CCDC85A: variants seen among roughly 807,000 people sequenced by gnomAD.
CCDC85A encodes the protein coiled-coil domain-containing protein 85A.
A neutral mutation model predicts 50.2 loss-of-function variants in CCDC85A; 38 were observed. The ratio of observed to expected loss-of-function variants is 0.76; its 90% CI spans 0.58 to 0.99. CCDC85A has a LOEUF of 0.99. Ranked by LOEUF, CCDC85A falls within the 50% of genes least tolerant of loss-of-function variation. The pLI, the probability that CCDC85A is intolerant of heterozygous loss-of-function variation, is 0.00. For synonymous variants in CCDC85A, 366 were observed against 301.4 expected (o/e 1.21, Z -2.22); for missense variants, 820 against 742.0 (o/e 1.11, Z -1.22).
chr2:56,371,395 A>G (rs77421772), intron 3 of CCDC85A, among the ~76,000 whole-genome samples: 13,865 of 152,186 alleles, frequency 0.091, 694 homozygotes, highest in Non-Finnish European at 0.11. Context: ...TTCAAAAAAA[A>G]TGAATTGATG....
chr2:56,374,980 T>C (rs1402998209), intron 4 of CCDC85A, among the ~76,000 whole-genome samples: 1 of 152,184 alleles, frequency 6.6e-6, no homozygotes, highest in African/African-American at 2.4e-5. Context: ...AAATTTCAGG[T>C]TCTCTAATAG....
chr2:56,344,643 T>C (rs1197262089), intron 3 of CCDC85A, among the ~76,000 whole-genome samples: 1 of 152,168 alleles, frequency 6.6e-6, no homozygotes, highest in East Asian at 1.9e-4. Flanking sequence ...TTGCTCTTCA[T>C]TGTTTTCCTT....
chr2:56,211,976 A>C (rs576753371), intron 2 of CCDC85A, among the ~76,000 whole-genome samples: 1 of 151,732 alleles, frequency 6.6e-6, no homozygotes, highest in East Asian at 2.0e-4. Flanking sequence ...TCTGCATAAA[A>C]CTCATTGTCT....
intron 1 of CCDC85A, among the ~76,000 whole-genome samples, chr2:56,187,465 C>T (rs1676100002): frequency 6.6e-6 from 1 of 152,118 alleles, no homozygotes; most frequent in Non-Finnish European, 1.5e-5. Flanking sequence ...ATTTGGGAGG[C>T]AGGGCAGTGC....
At chr2:56,259,991 A>C (rs999128821) in intron 2 of CCDC85A, among the ~76,000 whole-genome samples, 5 of 152,148 alleles carry the variant, frequency 3.3e-5, no homozygotes, top group Admixed American at 2.6e-4. Context: ...TATCCTGCTA[A>C]AGTGTTGTCA....
intron 2 of CCDC85A, among the ~76,000 whole-genome samples, chr2:56,320,134 A>C (rs549324433): frequency 3.9e-5 from 6 of 152,202 alleles, no homozygotes; most frequent in African/African-American, 1.4e-4. Flanking sequence ...GACACATTTA[A>C]AGCAGTGTGT....
intron 2 of CCDC85A, among the ~76,000 whole-genome samples, chr2:56,285,779 G>C (rs938178106): frequency 4.6e-5 from 7 of 151,720 alleles, no homozygotes; most frequent in Non-Finnish European, 1.0e-4. Context: ...AGAGAAAAAG[G>C]GTTGCTTTTT....
intron 2 of CCDC85A, among the ~76,000 whole-genome samples, chr2:56,335,323 C>T (rs1674018731): frequency 6.6e-6 from 1 of 152,124 alleles, no homozygotes; most frequent in Non-Finnish European, 1.5e-5. Flanking sequence ...GGAATGAGTG[C>T]AAGCCATGCC....
intron 2 of CCDC85A, among the ~76,000 whole-genome samples, chr2:56,296,219 G>C (rs1671940859): frequency 6.6e-6 from 1 of 152,006 alleles, no homozygotes; most frequent in African/African-American, 2.4e-5. Flanking sequence ...GATGGCCTGG[G>C]TACCCTTTTT....
chr2:56,275,730 T>A (rs767800620), intron 2 of CCDC85A, among the ~76,000 whole-genome samples: 1 of 152,222 alleles, frequency 6.6e-6, no homozygotes, highest in Non-Finnish European at 1.5e-5. Flanking sequence ...CATCCCTGTA[T>A]ACTCTTGGTA....
intron 5 of CCDC85A, chr2:56,383,759 C>T (rs960131426): frequency 1.0e-6 from 1 of 984,526 alleles, no homozygotes; most frequent in South Asian, 4.7e-5. Flanking sequence ...AAAGCTCCTT[C>T]ATTTTCCTCA....
intron 2 of CCDC85A, among the ~76,000 whole-genome samples, chr2:56,248,988 G>T (rs543102458): frequency 2.6e-5 from 4 of 152,238 alleles, no homozygotes; most frequent in Non-Finnish European, 2.9e-5. Flanking sequence ...TTCTAGAAAA[G>T]GTTAGGGCGG....
At chr2:56,341,226 T>C (rs538649635) in intron 2 of CCDC85A, among the ~76,000 whole-genome samples, 2 of 152,334 alleles carry the variant, frequency 1.3e-5, no homozygotes, top group African/African-American at 2.4e-5. Flanking sequence ...TTTTTCCTCT[T>C]AGTACACACG....
At chr2:56,231,530 A>G (rs1668771761) in intron 2 of CCDC85A, among the ~76,000 whole-genome samples, 2 of 152,188 alleles carry the variant, frequency 1.3e-5, no homozygotes, top group Non-Finnish European at 2.9e-5. Context: ...AAATATTGGA[A>G]TTGTCTATAG....
At position 56,288,058 on chromosome 2, in the gene CCDC85A, C is replaced by T. The variant is rs149724048; in HGVS notation, c.1241-54821C>T. Among the ~76,000 whole-genome samples the T allele has an allele frequency of 7.4e-3, 1,133 of 152,222 alleles. 13 individuals carry two copies. Among genetic ancestry groups the T allele is most frequent in the African/African-American group, 0.026 (1,068 of 41,536 alleles). On this transcript the variant is annotated intron_variant, in intron 2 of 5. Transcript: ENST00000407595. ...TTTACAGAGCCTGGCGTCAGCTTCACCCCTGAACCCATATCTTGGGATGAT... is the reference window on the plus strand; with the variant it reads ...TTTACAGAGCCTGGCGTCAGCTTCATCCCTGAACCCATATCTTGGGATGAT...
intron 2 of CCDC85A, among the ~76,000 whole-genome samples, chr2:56,275,449 A>C (rs1670886680): frequency 6.6e-6 from 1 of 151,096 alleles, no homozygotes; most frequent in African/African-American, 2.4e-5. Flanking sequence ...AAAGAGAATC[A>C]GTTACACCAG....
At chr2:56,275,331 G>T (rs1003218064) in intron 2 of CCDC85A, among the ~76,000 whole-genome samples, 1 of 152,026 alleles carries the variant, frequency 6.6e-6, no homozygotes, top group African/African-American at 2.4e-5. Flanking sequence ...GTAGTCCTTT[G>T]TAGAGTGCCT....
At chr2:56,340,558 G>A (rs1312327179) in intron 2 of CCDC85A, among the ~76,000 whole-genome samples, 1 of 152,102 alleles carries the variant, frequency 6.6e-6, no homozygotes, top group Non-Finnish European at 1.5e-5. Context: ...GCAAGTTTTA[G>A]AGCAGTAGTG....
At chr2:56,242,316 T>C (rs984548172) in intron 2 of CCDC85A, among the ~76,000 whole-genome samples, 3 of 152,188 alleles carry the variant, frequency 2.0e-5, no homozygotes, top group African/African-American at 7.2e-5. Flanking sequence ...AGAGGTTTAA[T>C]TGGCTCATGG....
Sources: gnomAD v4.1 joint callset for allele counts (sites outside exome capture counted in the v4.1 genomes callset) on GRCh38, gnomAD v4.1.1 for gene constraint, MANE v1.5 for transcripts, NCBI Gene and HGNC (gene_info 2026-07-23, HGNC 2026-07-21) for gene names.